Variants in STK3 observed in about 807,000 individuals in gnomAD.
STK3 encodes serine/threonine-protein kinase 3.
A neutral mutation model predicts 58.0 loss-of-function variants in STK3; 41 were observed. The ratio of observed to expected loss-of-function variants is 0.71; its 90% CI spans 0.55 to 0.92. The LOEUF (loss-of-function observed/expected upper bound fraction) is 0.92. STK3 is among the 40% of genes least tolerant of loss of function. The probability of loss-of-function intolerance (pLI) is 0.00; values close to 1 mark genes in which losing one functional copy is unlikely to be tolerated. For synonymous variants in STK3, 170 were observed against 191.0 expected (o/e 0.89, Z 0.91); for missense variants, 479 against 602.7 (o/e 0.79, Z 2.15).
rs539310823 is a variant in STK3, at chr8:98,697,706, C to A, written c.684+8761G>T. Among the ~76,000 whole-genome samples, 21 of 152,292 alleles carry A rather than the reference C, an allele frequency of 1.4e-4. No individual in the cohort carries two copies. The South Asian group carries it at 4.1e-3, about 30-fold the overall frequency. On this transcript the variant is annotated intron_variant, in intron 6 of 10. Coordinates refer to ENST00000419617, the MANE Select transcript of STK3 (RefSeq NM_006281.4). ...TTAATCCTGAGTTCTAGTTTGATTGCACTGTAGTTTGAGAGACAGTTTGTT... is the reference window on the plus strand; with the variant it reads ...TTAATCCTGAGTTCTAGTTTGATTGAACTGTAGTTTGAGAGACAGTTTGTT...
At chr8:98,436,348 A>T (rs974570882) in intron 2 of STK3, among the ~76,000 whole-genome samples, 12 of 151,934 alleles carry the variant, frequency 7.9e-5, no homozygotes, top group Non-Finnish European at 1.5e-5. Flanking sequence ...CTCCTGCCCG[A>T]CGCCCTCACT....
At chr8:98,778,608 T>C (rs1216672230) in intron 1 of STK3, among the ~76,000 whole-genome samples, 1 of 152,070 alleles carries the variant, frequency 6.6e-6, no homozygotes, top group Non-Finnish European at 1.5e-5. Flanking sequence ...CTATTCACAA[T>C]AGCAAAGACT....
intron 6 of STK3, among the ~76,000 whole-genome samples, chr8:98,622,366 CATAA>C (rs745422780): frequency 2.0e-5 from 3 of 151,976 alleles, no homozygotes; most frequent in Non-Finnish European, 2.9e-5. Context: ...AGTTATGACT[CATAA>C]ATAAACATAA....
chr8:98,626,462 T>A (rs572273466), intron 6 of STK3, among the ~76,000 whole-genome samples: 5 of 152,326 alleles, frequency 3.3e-5, no homozygotes, highest in Non-Finnish European at 4.4e-5. Context: ...ATGGCTACTT[T>A]CACATTATAA....
At position 98,668,988 on chromosome 8, in the gene STK3, C is replaced by CTTTT. The variant is rs35407432; in HGVS notation, c.684+37475_684+37478dup. Among the ~76,000 whole-genome samples the CTTTT allele has an allele frequency of 4.0e-4, 44 of 111,102 alleles. 3 individuals carry two copies. Among genetic ancestry groups the CTTTT allele is most frequent in the African/African-American group, 8.9e-4 (26 of 29,316 alleles). The allele number at this position is 111,102 out of a possible 152,430, so 72.9% of individuals were successfully genotyped here. On this transcript the variant is annotated intron_variant, in intron 6 of 10. Transcript: ENST00000419617. ...ATTACACGTGCCAAATTAATCTTGT[C>CTTTT]TTTTTTTTTTTTTTTTTTTTGAGAT...
intron 4 of STK3, among the ~76,000 whole-genome samples, chr8:98,725,948 C>G (rs1429683952): frequency 6.6e-6 from 1 of 152,090 alleles, no homozygotes; most frequent in Non-Finnish European, 1.5e-5. Flanking sequence ...GGTCACAGAG[C>G]TAATAAGTAA....
chr8:98,828,437 C>CAAAAAAA (rs367737626), upstream of STK3, among the ~76,000 whole-genome samples: 107 of 48,584 alleles, frequency 2.2e-3, 1 homozygote, highest in Non-Finnish European at 2.3e-3. Context: ...CCCATCTCTA[C>CAAAAAAA]AAAAAAAAAA....
chr8:98,911,854 T>C (rs1480759628), intron 1 of STK3, among the ~76,000 whole-genome samples: 1 of 148,362 alleles, frequency 6.7e-6, no homozygotes, highest in Admixed American at 6.7e-5. Flanking sequence ...AAATAAAGCT[T>C]ATTCCTAAAT....
chr8:98,355,487 C>T, the STK3 span, among the ~76,000 whole-genome samples: 22 of 152,276 alleles, frequency 1.4e-4, no homozygotes, highest in African/African-American at 5.3e-4. Context: ...TAAACTGGGT[C>T]GAGGAGGGCT....
At chr8:98,935,902 T>A (rs1840175480) in intron 1 of STK3, among the ~76,000 whole-genome samples, 1 of 151,772 alleles carries the variant, frequency 6.6e-6, no homozygotes, top group Non-Finnish European at 1.5e-5. Context: ...TATTTATTTA[T>A]TTATTTTTGT....
At chr8:98,630,884 T>G (rs1819169302) in intron 6 of STK3, among the ~76,000 whole-genome samples, 1 of 152,028 alleles carries the variant, frequency 6.6e-6, no homozygotes. Context: ...AGCAGAATGT[T>G]TTAAGAGATA....
chr8:98,789,475 T>C (rs1246556505), intron 1 of STK3, among the ~76,000 whole-genome samples: 2 of 151,932 alleles, frequency 1.3e-5, no homozygotes, highest in African/African-American at 4.8e-5. Flanking sequence ...AGCTGGTTCT[T>C]TGAAAAGATA....
chr8:98,505,124 C>G (rs1474960054), intron 10 of STK3, among the ~76,000 whole-genome samples: 2 of 152,136 alleles, frequency 1.3e-5, no homozygotes, highest in East Asian at 1.9e-4. Flanking sequence ...TGTCCTCTCA[C>G]TTTATTTCAT....
intron 1 of STK3, among the ~76,000 whole-genome samples, chr8:98,812,110 AT>A (rs796117348): frequency 1.0e-4 from 15 of 148,864 alleles, no homozygotes; most frequent in South Asian, 2.1e-4. Flanking sequence ...ATGCCTGGCC[AT>A]TTTTTTTTTC....
intron 1 of STK3, among the ~76,000 whole-genome samples, chr8:98,884,858 T>C (rs1181957991): frequency 3.9e-5 from 6 of 152,216 alleles, no homozygotes; most frequent in Non-Finnish European, 1.5e-5. Flanking sequence ...ACATATTATG[T>C]CCTCAATGAA....
At chr8:98,743,176 A>G (rs1326125644) in intron 4 of STK3, among the ~76,000 whole-genome samples, 7 of 151,998 alleles carry the variant, frequency 4.6e-5, no homozygotes, top group Non-Finnish European at 8.8e-5. Flanking sequence ...TATAGATTCA[A>G]TGCCATCCCC....
At chr8:98,443,038 T>C (rs1467110259) in intron 1 of STK3, among the ~76,000 whole-genome samples, 1 of 152,154 alleles carries the variant, frequency 6.6e-6, no homozygotes, top group African/African-American at 2.4e-5. Flanking sequence ...TTTCTCATTT[T>C]TGTAAAGCAG....
chr8:98,817,038 T>C (rs1228577796), intron 1 of STK3, among the ~76,000 whole-genome samples: 2 of 152,222 alleles, frequency 1.3e-5, no homozygotes, highest in African/African-American at 4.8e-5. Context: ...ATGTTTTATT[T>C]TGCAATAAAA....
chr8:98,687,303 C>T (rs1395106284), intron 6 of STK3, among the ~76,000 whole-genome samples: 3 of 152,184 alleles, frequency 2.0e-5, no homozygotes, highest in Non-Finnish European at 4.4e-5. Flanking sequence ...GAAACTGTTC[C>T]ACCTCAGTTC....
Sources: allele counts gnomAD v4.1 joint callset (sites outside exome capture counted in the v4.1 genomes callset), GRCh38; gene constraint gnomAD v4.1.1; transcripts MANE v1.5; gene names NCBI Gene and HGNC (gene_info 2026-07-23, HGNC 2026-07-21).